Variants in SEC23A observed in about 807,000 individuals in gnomAD.
SEC23A encodes SEC23 homolog A, COPII component.
In SEC23A, 56 loss-of-function variants were observed where a neutral mutation model predicts 103.7. The observed-to-expected ratio is 0.54, with a 90% CI of 0.44 to 0.67. The LOEUF (loss-of-function observed/expected upper bound fraction) is 0.67. Ranked by LOEUF, SEC23A falls within the 30% of genes least tolerant of loss-of-function variation. SEC23A has a pLI of 0.00. For missense variants in SEC23A, 784 were observed against 936.4 expected, an observed-to-expected ratio of 0.84 and a Z score of 2.12; for synonymous variants, 281 against 293.0, an observed-to-expected ratio of 0.96 and a Z score of 0.42.
At chr14:39,042,894 G>A (rs200822209) in intron 16 of SEC23A, 22 bp from the exon 17 acceptor site, 1 of 1,510,002 alleles carries the variant, frequency 6.6e-7, no homozygotes, top group South Asian at 1.1e-5. Flanking sequence ...AAAACAATGA[G>A]AAATGAGGAA....
intron 8 of SEC23A, among the ~76,000 whole-genome samples, chr14:39,075,140 C>G (rs1349370719): frequency 6.6e-6 from 1 of 151,956 alleles, no homozygotes; most frequent in Non-Finnish European, 1.5e-5. Flanking sequence ...AGAGAACTCT[C>G]TTTCCTAGCT....
At chr14:39,094,291 T>C (rs1887770351) in intron 2 of SEC23A, among the ~76,000 whole-genome samples, 2 of 118,700 alleles carry the variant, frequency 1.7e-5, no homozygotes, top group Admixed American at 9.7e-5. Context: ...CACATATATA[T>C]GCATATATAC....
chr14:39,071,255 A>C (rs890488500), intron 9 of SEC23A, among the ~76,000 whole-genome samples: 2 of 151,850 alleles, frequency 1.3e-5, no homozygotes, highest in Non-Finnish European at 2.9e-5. Flanking sequence ...AAACTATTAA[A>C]ACTAATAAAC....
chr14:39,057,483 C>T (rs768890075), intron 13 of SEC23A, among the ~76,000 whole-genome samples: 3 of 152,104 alleles, frequency 2.0e-5, no homozygotes, highest in Non-Finnish European at 2.9e-5. Context: ...CTCCCACCTC[C>T]GCCTTCTGAG....
chr14:39,053,501 G>A (rs1271834770), intron 14 of SEC23A, among the ~76,000 whole-genome samples: 1 of 151,046 alleles, frequency 6.6e-6, no homozygotes, highest in East Asian at 1.9e-4. Context: ...CCTATGAGAG[G>A]ATTAATCTTT....
intron 1 of SEC23A, among the ~76,000 whole-genome samples, chr14:39,099,154 G>GTTTTTT (rs35763261): frequency 3.6e-5 from 3 of 83,640 alleles, no homozygotes; most frequent in Non-Finnish European, 4.8e-5. Flanking sequence ...TTGTTTTTGG[G>GTTTTTT]TTTTTTTTTT....
chr14:39,076,932 A>C (rs1246721755), intron 7 of SEC23A, among the ~76,000 whole-genome samples: 5 of 148,864 alleles, frequency 3.4e-5, no homozygotes, highest in African/African-American at 1.2e-4. Flanking sequence ...GTCTCAAAAA[A>C]AAAAAAAATA....
At chr14:39,051,790 C>T (rs1224200199) in intron 14 of SEC23A, among the ~76,000 whole-genome samples, 1 of 151,942 alleles carries the variant, frequency 6.6e-6, no homozygotes, top group Non-Finnish European at 1.5e-5. Context: ...TGGTGAAATC[C>T]CGTCTCTACT....
At chr14:39,101,616 C>CA (rs1165689391) in intron 1 of SEC23A, among the ~76,000 whole-genome samples, 3 of 122,246 alleles carry the variant, frequency 2.5e-5, no homozygotes. Context: ...GAGCGAGACT[C>CA]CGTCTCAAAA....
At chr14:39,034,020 T>C (rs1885385550) in intron 19 of SEC23A, among the ~76,000 whole-genome samples, 2 of 152,238 alleles carry the variant, frequency 1.3e-5, no homozygotes, top group South Asian at 2.1e-4. Flanking sequence ...CAGCAAATTA[T>C]TGGCAAATGT....
intron 10 of SEC23A, among the ~76,000 whole-genome samples, chr14:39,066,819 T>C (rs976980401): frequency 6.6e-6 from 1 of 152,060 alleles, no homozygotes; most frequent in Non-Finnish European, 1.5e-5. Context: ...GACAACATCA[T>C]GCCACTGCAC....
intron 17 of SEC23A, among the ~76,000 whole-genome samples, 196 bp downstream of exon 17, chr14:39,042,590 T>C (rs1885682597): frequency 6.6e-6 from 1 of 152,236 alleles, no homozygotes; most frequent in South Asian, 2.1e-4. Context: ...GACAAATGAA[T>C]AAAATAATCA....
intron 14 of SEC23A, among the ~76,000 whole-genome samples, chr14:39,054,322 T>C (rs895653189): frequency 6.6e-6 from 1 of 151,764 alleles, no homozygotes; most frequent in African/African-American, 2.4e-5. Flanking sequence ...TGTGTCATAA[T>C]GTAAGTACAG....
At position 39,094,363 on chromosome 14, in the gene SEC23A, CATATAT is replaced by C. The variant is rs201744323; in HGVS notation, c.222-1125_222-1120del. ...ATATATATGCATATATACACATATA[CATATAT>C]ATATACACACACACACACACACACA... On this transcript the variant is annotated intron_variant, in intron 2 of 19. Transcript: ENST00000307712. 4.6e-5 allele frequency among the ~76,000 whole-genome samples: 2 copies of C among 43,072 alleles called. 1 individual carries two copies. Among genetic ancestry groups the C allele is most frequent in the African/African-American group, 2.2e-4 (2 of 9,152 alleles). 28.3% of individuals were successfully genotyped at this position (43,072 alleles called of 152,430 possible). A position where few individuals can be genotyped will look rare whatever the true frequency, so the allele number is the denominator to read the frequency against.
chr14:39,060,847 C>T (rs1188897953), intron 13 of SEC23A, among the ~76,000 whole-genome samples: 2 of 152,082 alleles, frequency 1.3e-5, no homozygotes, highest in South Asian at 2.1e-4. Flanking sequence ...TCTGTTGGGC[C>T]TTATTATTCC....
chr14:39,065,359 C>A (rs948059059), intron 10 of SEC23A, among the ~76,000 whole-genome samples: 7 of 152,052 alleles, frequency 4.6e-5, no homozygotes, highest in Admixed American at 2.6e-4. Context: ...GGTCTCCCCC[C>A]AGTCTCTCCT....
At chr14:39,088,984 T>C (rs1887560855) in intron 5 of SEC23A, among the ~76,000 whole-genome samples, 1 of 151,494 alleles carries the variant, frequency 6.6e-6, no homozygotes, top group South Asian at 2.1e-4. Context: ...CTGGCCAACA[T>C]GGTGAAACCC....
At chr14:39,096,705 T>C (rs1252817387) in intron 1 of SEC23A, among the ~76,000 whole-genome samples, 1 of 152,212 alleles carries the variant, frequency 6.6e-6, no homozygotes, top group Non-Finnish European at 1.5e-5. Flanking sequence ...GTCTTATTTC[T>C]TTAAGGATAT....
In SEC23A at chr14:39,094,424, ATATATATATATATATATATTTTTTTTTT is replaced by A. The variant is rs1887804604; in HGVS notation, c.222-1208_222-1181del. ...TATATATATATATATATATATATAT[ATATATATATATATATATATTTTTTTTTT>A]TTTTTTTTCCCCTCCTGTAGAAATG... On this transcript the variant is annotated intron_variant, in intron 2 of 19. Transcript: ENST00000307712. Among the ~76,000 whole-genome samples the A allele has an allele frequency of 4.1e-4, 24 of 58,594 alleles. 2 individuals carry two copies. The highest frequency in any genetic ancestry group is 2.4e-3 in the African/African-American group (19 of 7,848). 38.4% of individuals were successfully genotyped at this position (58,594 alleles called of 152,430 possible). A position where few individuals can be genotyped will look rare whatever the true frequency, so the allele number is the denominator to read the frequency against.
Sources: allele counts gnomAD v4.1 joint callset (sites outside exome capture counted in the v4.1 genomes callset), GRCh38; gene constraint gnomAD v4.1.1; transcripts MANE v1.5; gene names NCBI Gene and HGNC (gene_info 2026-07-23, HGNC 2026-07-21).